CUX1: variants seen among roughly 807,000 people sequenced by gnomAD.
CUX1 encodes the protein cut like homeobox 1, also known as protein CASP.
A neutral mutation model predicts 158.8 loss-of-function variants in CUX1; 31 were observed. The ratio of observed to expected loss-of-function variants is 0.20; its 90% CI spans 0.15 to 0.26. The LOEUF is 0.26. Ranked by LOEUF, CUX1 falls within the 10% of genes least tolerant of loss-of-function variation. The pLI is 1.00. For synonymous variants in CUX1, 879 were observed against 862.1 expected (o/e 1.02, Z -0.34); for missense variants, 1,589 against 2,014.6 (o/e 0.79, Z 4.04).
chr7:101,847,801 C>T (rs1314294323), intron 1 of CUX1, among the ~76,000 whole-genome samples: 1 of 151,874 alleles, frequency 6.6e-6, no homozygotes, highest in Non-Finnish European at 1.5e-5. Context: ...GGCATGGTGG[C>T]TCATGCCTGT....
intron 4 of CUX1, among the ~76,000 whole-genome samples, chr7:102,078,225 G>A (rs1041788159): frequency 2.0e-5 from 3 of 152,066 alleles, no homozygotes; most frequent in African/African-American, 7.2e-5. Flanking sequence ...ACAGGCACAC[G>A]CCACCACACC....
chr7:102,064,757 G>T (rs554151566), intron 3 of CUX1, among the ~76,000 whole-genome samples: 1 of 152,150 alleles, frequency 6.6e-6, no homozygotes, highest in Non-Finnish European at 1.5e-5. Context: ...TCAGTGACTC[G>T]TCCAGGCCCT....
At chr7:101,972,309 C>T (rs1812055968) in intron 2 of CUX1, among the ~76,000 whole-genome samples, 1 of 152,186 alleles carries the variant, frequency 6.6e-6, no homozygotes, top group Non-Finnish European at 1.5e-5. Context: ...GTAAATGTAG[C>T]TTGTAAAGTA....
At chr7:102,267,906 G>A (rs1368988747) in intron 14 of CUX1, among the ~76,000 whole-genome samples, 2 of 12,544 alleles carry the variant, frequency 1.6e-4, no homozygotes, top group Admixed American at 9.6e-4. Flanking sequence ...GAGCTCCAGC[G>A]ATGCTACCAC....
At chr7:102,143,809 C>T (rs541385788) in intron 8 of CUX1, among the ~76,000 whole-genome samples, 1 of 152,058 alleles carries the variant, frequency 6.6e-6, no homozygotes, top group Non-Finnish European at 1.5e-5. Flanking sequence ...GAGACGGAGT[C>T]TCAATCTGTC....
chr7:102,055,000 A>G (rs951220226), intron 3 of CUX1, among the ~76,000 whole-genome samples: 4 of 151,132 alleles, frequency 2.6e-5, no homozygotes, highest in African/African-American at 9.7e-5. Flanking sequence ...TGGAATTTTG[A>G]TAGGCATTAC....
intron 2 of CUX1, among the ~76,000 whole-genome samples, chr7:101,923,822 C>CAGGGAA (rs1318224121): frequency 1.3e-5 from 2 of 152,252 alleles, no homozygotes. Context: ...CACCTTGCAA[C>CAGGGAA]AGGGAGCACC....
At chr7:102,132,313 G>A (rs1484081391) in intron 8 of CUX1, among the ~76,000 whole-genome samples, 5 of 40 alleles carry the variant, frequency 0.12, no homozygotes, top group Non-Finnish European at 0.19. Context: ...GTGTGTGCGC[G>A]CGCGCGCGCG....
intron 1 of CUX1, chr7:101,913,214 A>G (rs957554036): frequency 5.4e-6 from 2 of 372,048 alleles, no homozygotes; most frequent in East Asian, 2.1e-4. Context: ...GATCAACCCA[A>G]TCTGGGGCGG....
chr7:102,039,812 G>A (rs750423724), intron 3 of CUX1, among the ~76,000 whole-genome samples: 8 of 152,040 alleles, frequency 5.3e-5, no homozygotes, highest in Non-Finnish European at 7.4e-5. Flanking sequence ...GTGTCCATGC[G>A]CTTTGCTACA....
At position 101,825,753 on chromosome 7, in the gene CUX1, C is replaced by CTGTGTGTGTG. The variant is rs537662700; in HGVS notation, c.30+8121_30+8130dup. ...AAACGCCCTGATACCTTAATGAAAT[C>CTGTGTGTGTG]TGTGTGTGTGTGTGTGTGTGTGTGT... On this transcript the variant is annotated intron_variant, in intron 1 of 23. Transcript: ENST00000292535. Among the ~76,000 whole-genome samples the CTGTGTGTGTG allele has an allele frequency of 6.5e-3, 846 of 129,418 alleles. 2 individuals carry two copies. Among genetic ancestry groups the CTGTGTGTGTG allele is most frequent in the East Asian group, 0.014 (57 of 4,082 alleles). 84.9% of individuals were successfully genotyped at this position (129,418 alleles called of 152,430 possible).
At chr7:101,879,222 G>C (rs1799463797) in intron 1 of CUX1, among the ~76,000 whole-genome samples, 1 of 152,084 alleles carries the variant, frequency 6.6e-6, no homozygotes, top group African/African-American at 2.4e-5. Context: ...TTGTCTTGTT[G>C]GGGGTGGGGA....
At chr7:101,856,673 A>C (rs1167012010) in intron 1 of CUX1, among the ~76,000 whole-genome samples, 1 of 152,146 alleles carries the variant, frequency 6.6e-6, no homozygotes, top group East Asian at 1.9e-4. Context: ...TCTAGTTCTG[A>C]TGACTTCACG....
intron 16 of CUX1, chr7:102,275,195 T>A (rs1791520745): frequency 7.1e-7 from 1 of 1,411,022 alleles, no homozygotes; most frequent in Non-Finnish European, 9.8e-7. Flanking sequence ...AAGGGCCGCC[T>A]GCTGGGTTCC....
chr7:102,237,866 A>T (rs1799744956), intron 22 of CUX1, among the ~76,000 whole-genome samples: 1 of 151,298 alleles, frequency 6.6e-6, no homozygotes, highest in South Asian at 2.1e-4. Flanking sequence ...AACCATCTCC[A>T]ATCATAGGTA....
chr7:102,175,876 T>C (rs1407604230), intron 10 of CUX1, among the ~76,000 whole-genome samples: 1 of 152,262 alleles, frequency 6.6e-6, no homozygotes, highest in Non-Finnish European at 1.5e-5. Flanking sequence ...ATTTAAAATG[T>C]CACCGAAATG....
At chr7:102,121,633 G>T (rs1433609448) in intron 8 of CUX1, among the ~76,000 whole-genome samples, 2 of 151,996 alleles carry the variant, frequency 1.3e-5, no homozygotes, top group Non-Finnish European at 2.9e-5. Flanking sequence ...GGTGTGAGCA[G>T]CTGGGATGGA....
At chr7:101,885,039 C>T (rs892596112) in intron 1 of CUX1, among the ~76,000 whole-genome samples, 1 of 152,198 alleles carries the variant, frequency 6.6e-6, no homozygotes, top group Admixed American at 6.5e-5. Context: ...TCTGTAGTGC[C>T]TATTTCTGTG....
chr7:102,028,185 C>T (rs547996935), intron 3 of CUX1, 40 bp downstream of exon 3: 17 of 1,595,892 alleles, frequency 1.1e-5, no homozygotes, highest in Admixed American at 3.3e-5. Flanking sequence ...AGCCACCCTT[C>T]GTGGCTAATT....
Sources: gnomAD v4.1 joint callset for allele counts (sites outside exome capture counted in the v4.1 genomes callset) on GRCh38, gnomAD v4.1.1 for gene constraint, MANE v1.5 for transcripts, NCBI Gene and HGNC (gene_info 2026-07-23, HGNC 2026-07-21) for gene names.